The following NAV2 variants were observed in gnomAD, a reference collection of about 807,000 sequenced individuals.
NAV2 encodes the protein helicase, APC down-regulated 1.
Under a neutral mutation model 223.2 loss-of-function variants are expected in NAV2, and 54 were observed. The observed-to-expected ratio is 0.24, with a 90% confidence interval of 0.19 to 0.30. The LOEUF is 0.30. Ranked by LOEUF, NAV2 falls within the 10% of genes least tolerant of loss-of-function variation. NAV2 has a pLI of 1.00. For synonymous variants in NAV2, 1,279 were observed against 1,239.3 expected (o/e 1.03, Z -0.67); for missense variants, 2,806 against 3,147.5 (o/e 0.89, Z 2.60).
At chr11:20,087,074 T>G (rs979592790) in intron 26 of NAV2, among the ~76,000 whole-genome samples, 6 of 152,182 alleles carry the variant, frequency 3.9e-5, no homozygotes, top group Admixed American at 2.6e-4. Flanking sequence ...CACTCTGATA[T>G]TTGAAGTTCA....
chr11:19,664,872 G>A (rs61876702), intron 1 of NAV2, among the ~76,000 whole-genome samples: 17,266 of 152,188 alleles, frequency 0.11, 1,744 homozygotes, highest in African/African-American at 0.27. Context: ...ATTCACTCTC[G>A]CATTCCATCC....
chr11:19,693,147 G>A (rs2009956), intron 1 of NAV2, among the ~76,000 whole-genome samples: 7,277 of 152,296 alleles, frequency 0.048, 221 homozygotes, highest in South Asian at 0.084. Flanking sequence ...TCTACTACCA[G>A]CCCACCTCTG....
At chr11:19,573,662 T>C (rs2045489541) in intron 1 of NAV2, among the ~76,000 whole-genome samples, 1 of 152,178 alleles carries the variant, frequency 6.6e-6, no homozygotes, top group Non-Finnish European at 1.5e-5. Flanking sequence ...AAGAAACTTA[T>C]CTGGTCACCA....
At chr11:19,736,458 T>G (rs2052309090) in intron 1 of NAV2, among the ~76,000 whole-genome samples, 1 of 152,288 alleles carries the variant, frequency 6.6e-6, no homozygotes, top group African/African-American at 2.4e-5. Flanking sequence ...ATAAAGACAC[T>G]TTATCTTCCA....
In NAV2 at chr11:20,107,739, C is replaced by A. The variant is rs2062266279; in HGVS notation, c.6917C>A (p.Ser2306Tyr). ...RVWFTDLWNY[S>Y]IIPYLLEAVR... is the part of the protein sequence containing the mutation. ...TGGTTCACCGACTTGTGGAACTATT[C>A]CATTATCCCCTATCTCCTGGAAGCC... Residue 2306 changes from serine to tyrosine, a missense_variant, in exon 36 of 38, where the codon TCC becomes TAC. Physicochemically the swap from Ser to Tyr is moderately radical, Grantham distance 144. Transcript: ENST00000349880. 6.2e-7 allele frequency: 1 copy of A among 1,614,010 alleles called. No individual in the cohort carries two copies.
At chr11:19,985,106 G>A (rs2050661567) in intron 11 of NAV2, among the ~76,000 whole-genome samples, 1 of 151,994 alleles carries the variant, frequency 6.6e-6, no homozygotes, top group African/African-American at 2.4e-5. Context: ...TAGACTTTTT[G>A]GGTACTAAAC....
chr11:19,407,724 C>T (rs73414607), intron 1 of NAV2, among the ~76,000 whole-genome samples: 2,624 of 151,502 alleles, frequency 0.017, 88 homozygotes, highest in African/African-American at 0.06. Flanking sequence ...AACTTGCTAC[C>T]TTAAAAAGCA....
Position 19,713,855 on chromosome 11 carries a change from A to G in NAV2, c.160A>G (p.Ser54Gly). Residue 54 changes from serine to glycine, a missense_variant, in exon 1 of 38, where the codon AGC (serine) becomes GGC (glycine). This residue lies in a region of NAV2 where 1,167 missense variants were observed against 1,180.5 expected (regional missense o/e 0.99). Transcript: ENST00000349880. The surrounding 1 kb of genome is among the most constrained non-coding windows in gnomAD (Gnocchi z 7.2). ...KVEVSKTTYP[S>G]QIPLKSQVLQ... ...GGAGGTGAGCAAGACCACCTATCCT[A>G]GCCAGATCCCCCTGAAATCGCAGGT... is the stretch of plus-strand genomic sequence containing the variant. 2 of 1,613,648 alleles carry G rather than the reference A, an allele frequency of 1.2e-6. No individual in the cohort carries two copies. Among genetic ancestry groups the G allele is most frequent in the Non-Finnish European group, 8.5e-7 (1 of 1,179,918 alleles).
intron 1 of NAV2, among the ~76,000 whole-genome samples, chr11:19,530,535 G>T (rs2043998755): frequency 6.6e-6 from 1 of 152,126 alleles, no homozygotes; most frequent in African/African-American, 2.4e-5. Context: ...GCATGCCCAG[G>T]GTCACCCTGC....
At chr11:19,587,754 T>A (rs576151396) in intron 1 of NAV2, among the ~76,000 whole-genome samples, 13 of 152,340 alleles carry the variant, frequency 8.5e-5, no homozygotes, top group Admixed American at 7.8e-4. Context: ...ACAGAAAATA[T>A]GTTAATTAGG....
intron 1 of NAV2, among the ~76,000 whole-genome samples, chr11:19,799,828 G>T (rs1413102066): frequency 3.3e-5 from 5 of 152,226 alleles, no homozygotes; most frequent in Admixed American, 3.3e-4. Flanking sequence ...CCTCCCCCTT[G>T]CTATATTCCA....
intron 3 of NAV2, among the ~76,000 whole-genome samples, chr11:19,859,945 G>A (rs1478018445): frequency 3.0e-4 from 42 of 138,920 alleles, no homozygotes; most frequent in Admixed American, 4.8e-4. Context: ...AGGGGCGGCC[G>A]GGCAGAGGTG....
intron 1 of NAV2, among the ~76,000 whole-genome samples, chr11:19,466,163 G>A (rs1211289015): frequency 2.0e-5 from 3 of 152,214 alleles, no homozygotes; most frequent in Non-Finnish European, 4.4e-5. Context: ...CAGATGGGAA[G>A]ACAGGCAGCA....
chr11:19,942,213 G>A (rs1258311850), intron 8 of NAV2, among the ~76,000 whole-genome samples: 1 of 152,132 alleles, frequency 6.6e-6, no homozygotes, highest in Non-Finnish European at 1.5e-5. Context: ...CTACATTCAG[G>A]TCATTGTCAG....
intron 11 of NAV2, among the ~76,000 whole-genome samples, chr11:19,989,964 A>G (rs555760093): frequency 1.3e-5 from 2 of 152,254 alleles, no homozygotes; most frequent in African/African-American, 4.8e-5. Context: ...GCCCTTAGCC[A>G]CTGAAAATAC....
chr11:19,584,725 T>G lies in NAV2; in HGVS notation c.75+233698T>G, dbSNP rs545051046. Among the ~76,000 whole-genome samples, 6 of 152,362 alleles carry G rather than the reference T, an allele frequency of 3.9e-5. No individual in the cohort carries two copies. In the South Asian group the frequency reaches 6.2e-4, roughly 16 times the overall value. On this transcript the variant is annotated intron_variant, in intron 1 of 37. Coordinates refer to the NAV2 transcript ENST00000360655. ...TCTTAATCTTGAGTTCTAGTTTGATTGCACTGTGGTCTGAGAGACAGTTTG... is the reference window on the plus strand; with the variant it reads ...TCTTAATCTTGAGTTCTAGTTTGATGGCACTGTGGTCTGAGAGACAGTTTG...
chr11:19,593,210 G>A (rs1450868712), intron 1 of NAV2, among the ~76,000 whole-genome samples: 1 of 150,854 alleles, frequency 6.6e-6, no homozygotes, highest in African/African-American at 2.4e-5. Flanking sequence ...GCAAAATGTT[G>A]TCATTTCAAC....
At chr11:20,011,095 G>T (rs1005603909) in intron 11 of NAV2, among the ~76,000 whole-genome samples, 2 of 152,098 alleles carry the variant, frequency 1.3e-5, no homozygotes, top group Admixed American at 6.5e-5. Flanking sequence ...TTGCTGTTAG[G>T]CCATCAAACT....
At chr11:19,818,071 A>G (rs1220227872) in intron 1 of NAV2, among the ~76,000 whole-genome samples, 2 of 151,566 alleles carry the variant, frequency 1.3e-5, no homozygotes, top group Non-Finnish European at 2.9e-5. Context: ...CCTTTTTTTC[A>G]TGCAAAGCAT....
Sources: gnomAD v4.1 joint callset for allele counts (sites outside exome capture counted in the v4.1 genomes callset) on GRCh38, gnomAD v4.1.1 for gene constraint, gnomAD v4.1.1 regional missense constraint, Gnocchi (gnomAD v3.1) non-coding constraint, MANE v1.5 for transcripts, NCBI Gene and HGNC (gene_info 2026-07-23, HGNC 2026-07-21) for gene names.